The following STAG3 variants were observed in gnomAD, a reference collection of about 807,000 sequenced individuals.
STAG3 encodes STAG3 cohesin complex component.
Under a neutral mutation model 160.7 loss-of-function variants are expected in STAG3, and 101 were observed. That is an observed-to-expected ratio of 0.63 (90% CI 0.54 to 0.74). STAG3 has a LOEUF of 0.74. Ranked by LOEUF, STAG3 falls within the 30% of genes least tolerant of loss-of-function variation. STAG3 has a pLI of 0.00. For missense variants in STAG3, 1,188 were observed against 1,517.4 expected, an observed-to-expected ratio of 0.78 and a Z score of 3.61; for synonymous variants, 519 against 585.0, an observed-to-expected ratio of 0.89 and a Z score of 1.63.
At chr7:100,212,958 A>G (rs1802390651) in intron 32 of STAG3, 1 of 154,080 alleles carries the variant, frequency 6.5e-6, no homozygotes, top group South Asian at 2.0e-4. Flanking sequence ...ACCACCTTAT[A>G]AATGGAAAAG....
chr7:100,198,823 C>T lies in STAG3; in HGVS notation c.1353-20C>T. ...TGTTTCCTGTTGTGCTGAGCCCTTT[C>T]CTCGTGTCCATTCCACCAGACTCTT... On this transcript the variant is annotated intron_variant, in intron 13 of 33. Coordinates refer to ENST00000615138, the MANE Select transcript of STAG3 (RefSeq NM_001282717.2). 2.5e-6 allele frequency: 4 copies of T among 1,602,082 alleles called. No individual in the cohort carries two copies. Among genetic ancestry groups the T allele is most frequent in the Non-Finnish European group, 3.4e-6 (4 of 1,170,764 alleles).
chr7:100,205,155 G>A (rs761102188), intron 28 of STAG3, 22 bp downstream of exon 28: 3 of 1,613,986 alleles, frequency 1.9e-6, no homozygotes, highest in Non-Finnish European at 2.5e-6. Flanking sequence ...GGTGGATAGA[G>A]ATGTGGATTA....
At position 100,211,500 on chromosome 7, in the gene STAG3, A is replaced by T; in HGVS notation, c.3479A>T (p.His1160Leu). The T allele has an allele frequency of 6.2e-7, 1 of 1,613,528 alleles. No individual in the cohort carries two copies. Among genetic ancestry groups the T allele is most frequent in the South Asian group, 1.1e-5 (1 of 91,050 alleles). Residue 1160 changes from histidine (H) to leucine (L), a missense_variant, in exon 31 of 34, where the codon CAC becomes CTC. Physicochemically the swap from His to Leu is moderately conservative, Grantham distance 99. Transcript: ENST00000615138. ...FLGPQYFQTP[H>L]NPSGPGLGNQ... ...GGTCCACAATATTTCCAGACTCCACACAACCCTTCAGGTCCTGGCCTGGGC... is the reference window on the plus strand; with the variant it reads ...GGTCCACAATATTTCCAGACTCCACTCAACCCTTCAGGTCCTGGCCTGGGC...
intron 29 of STAG3, among the ~76,000 whole-genome samples, chr7:100,208,115 C>G (rs1484850846): frequency 2.7e-5 from 4 of 147,212 alleles, no homozygotes; most frequent in Admixed American, 2.7e-4. Context: ...GATACTGTCT[C>G]AGAAAAAAAA....
rs1801457693 is a variant in STAG3, at chr7:100,204,621, A to T, written c.2803-6A>T. ...TTCCCACATGCACCATGTCTCCTGG[A>T]CACAGCTGTACACAGAACTGCTGCA... On this transcript the variant is annotated splice_polypyrimidine_tract_variant and splice_region_variant and intron_variant, in intron 26 of 33. Coordinates refer to ENST00000615138, the MANE Select transcript of STAG3 (RefSeq NM_001282717.2). The T allele has an allele frequency of 6.2e-7, 1 of 1,613,518 alleles. No individual in the cohort carries two copies. The highest frequency in any genetic ancestry group is 1.3e-5 in the African/African-American group (1 of 74,902).
At position 100,197,723 on chromosome 7, in the gene STAG3, C is replaced by G. The variant is rs1047640877; in HGVS notation, c.1066-55C>G. 1.8e-5 allele frequency: 25 copies of G among 1,412,124 alleles called. No individual in the cohort carries two copies. The South Asian group carries it at 2.8e-4, about 16-fold the overall frequency. 87.5% of individuals were successfully genotyped at this position (1,412,124 alleles called of 1,614,324 possible). On this transcript the variant is annotated intron_variant, in intron 10 of 33. Coordinates refer to ENST00000615138, the MANE Select transcript of STAG3 (RefSeq NM_001282717.2). The stretch of plus-strand genomic sequence containing the variant: ...GGGGAGTCTGGAGGCTTAGTAGGGG[C>G]GAGTAGAGTGTGGTTAGTCTTATTT...
intron 29 of STAG3, among the ~76,000 whole-genome samples, chr7:100,210,692 GTGTTCACC>G (rs1227248422): frequency 6.6e-6 from 1 of 152,074 alleles, no homozygotes; most frequent in Non-Finnish European, 1.5e-5. Context: ...CCTCATGTTT[GTGTTCACC>G]TGTTCACCTG....
chr7:100,188,174 C>A (rs1302059354), intron 5 of STAG3, among the ~76,000 whole-genome samples: 1 of 152,144 alleles, frequency 6.6e-6, no homozygotes, highest in Non-Finnish European at 1.5e-5. Context: ...TTCTTGATGC[C>A]ATTTCTGTGC....
chr7:100,189,382 C>T (rs975789066), intron 7 of STAG3, 63 bp from the exon 8 acceptor site: 9 of 1,522,382 alleles, frequency 5.9e-6, no homozygotes, highest in Non-Finnish European at 8.0e-6. Flanking sequence ...TTTTTTCCTT[C>T]TACTCATCCT....
chr7:100,213,369 AAGAACAGAAT>A (rs1260318511), intron 32 of STAG3: 5 of 985,408 alleles, frequency 5.1e-6, no homozygotes, highest in Non-Finnish European at 6.0e-6. Context: ...GGGAAGGAAA[AAGAACAGAAT>A]AGAACAGAAC....
rs1800486869 is a variant in STAG3, at chr7:100,193,763, C to T, written c.868-1546C>T. ...TGATCTTCTGTTCGGACTACTAAAA[C>T]TGTCTCTGTATCAGCAATAAGACTG... is the stretch of plus-strand genomic sequence containing the variant. On this transcript the variant is annotated intron_variant, in intron 8 of 33. Coordinates refer to ENST00000615138, the MANE Select transcript of STAG3 (RefSeq NM_001282717.2). 3.9e-5 allele frequency among the ~76,000 whole-genome samples: 6 copies of T among 152,278 alleles called. 1 individual carries two copies. In the South Asian group the frequency reaches 1.2e-3, roughly 32 times the overall value.
Position 100,201,259 on chromosome 7 carries a change from C to G in STAG3, c.2133-5C>G, listed in dbSNP as rs543901990. 9.9e-6 allele frequency: 16 copies of G among 1,614,082 alleles called. No homozygotes were observed. In the East Asian group the frequency reaches 2.5e-4, roughly 25 times the overall value. ...CAGTATAACATTCCCCTTTCTCCCC[C>G]AAAGCACTCATGACCTGACTCGCTG... On this transcript the variant is annotated splice_region_variant and splice_polypyrimidine_tract_variant and intron_variant, in intron 20 of 33. Transcript: ENST00000615138.
chr7:100,180,466 G>C, intron 1 of STAG3, 27 bp from the exon 2 acceptor site: 3 of 764,712 alleles, frequency 3.9e-6, no homozygotes, highest in Non-Finnish European at 7.1e-6. Context: ...GCTGTGGTAG[G>C]AGCCCTTTCT....
At chr7:100,197,117 A>G in intron 9 of STAG3, 39 bp from the exon 10 acceptor site, 1 of 1,590,664 alleles carries the variant, frequency 6.3e-7, no homozygotes. Flanking sequence ...GTTTGGAGAG[A>G]GGGTGGCTCT....
intron 8 of STAG3, among the ~76,000 whole-genome samples, chr7:100,193,355 C>T (rs1403632548): frequency 2.0e-5 from 3 of 152,200 alleles, no homozygotes; most frequent in African/African-American, 4.8e-5. Flanking sequence ...AACGAGGAGT[C>T]AGGCTGTCCG....
chr7:100,211,358 C>T, intron 30 of STAG3, 77 bp from the exon 31 acceptor site: 2 of 1,529,598 alleles, frequency 1.3e-6, no homozygotes, highest in Non-Finnish European at 1.8e-6. Context: ...AGCTTTTCTC[C>T]CCATTAACAC....
At chr7:100,190,901 G>C (rs1800306913) in intron 8 of STAG3, among the ~76,000 whole-genome samples, 1 of 151,892 alleles carries the variant, frequency 6.6e-6, no homozygotes, top group South Asian at 2.1e-4. Context: ...TTACATATTT[G>C]CTTTACCTAT....
In STAG3 at chr7:100,200,534, T is replaced by C. The variant is rs551702794; in HGVS notation, c.1852T>C (p.Leu618=). The change falls in exon 18 of 34, where the codon TTG becomes CTG. Residue 618 remains leucine (L), a synonymous_variant. Transcript: ENST00000615138. ...FDLHIYCTGR[L]EKHLELFLQQ... is the part of the protein sequence containing the mutation. ...CCTCCACATCTACTGCACTGGGCGC[T>C]TGGAGAAGGTAGGGAGATAGATTTC... The C allele has an allele frequency of 9.9e-6, 16 of 1,613,982 alleles. No homozygotes were observed. The highest frequency in any genetic ancestry group is 1.3e-5 in the African/African-American group (1 of 75,026).
intron 33 of STAG3, 45 bp from the exon 34 acceptor site, chr7:100,213,962 C>A: frequency 6.2e-7 from 1 of 1,614,086 alleles, no homozygotes; most frequent in Non-Finnish European, 8.5e-7. Flanking sequence ...TGCCCATTGG[C>A]CCGTTGCTGT....
Sources: gnomAD v4.1 joint callset for allele counts (sites outside exome capture counted in the v4.1 genomes callset) on GRCh38, gnomAD v4.1.1 for gene constraint, MANE v1.5 for transcripts, NCBI Gene and HGNC (gene_info 2026-07-23, HGNC 2026-07-21) for gene names.